CPPED1: variants seen among roughly 807,000 people sequenced by gnomAD.
The protein encoded by CPPED1 is calcineurin like phosphoesterase domain containing 1.
CPPED1 carries 28 observed loss-of-function variants against 28.0 expected under a neutral mutation model. The ratio of observed to expected loss-of-function variants is 1.00; its 90% CI spans 0.74 to 1.37. The LOEUF (loss-of-function observed/expected upper bound fraction) is 1.37, where lower values mean the gene tolerates loss of function less well. Ranked by LOEUF, CPPED1 falls within the 40% of genes most tolerant of loss-of-function variation. The pLI is 0.00. For synonymous variants in CPPED1, 198 were observed against 180.2 expected, an observed-to-expected ratio of 1.10 and a Z score of -0.79; for missense variants, 504 against 416.5, an observed-to-expected ratio of 1.21 and a Z score of -1.83.
chr16:12,710,473 G>C (rs2080074455), intron 2 of CPPED1, among the ~76,000 whole-genome samples: 1 of 151,596 alleles, frequency 6.6e-6, no homozygotes, highest in South Asian at 2.1e-4. Context: ...AAAAAGGAGG[G>C]GGGGAACAGA....
chr16:12,693,501 A>G (rs1555484525), intron 3 of CPPED1, among the ~76,000 whole-genome samples: 1 of 149,288 alleles, frequency 6.7e-6, no homozygotes, highest in Non-Finnish European at 1.5e-5. Context: ...TGGCCATGCT[A>G]TTTTTTTTTT....
chr16:12,776,897 C>T (rs1371082841), intron 2 of CPPED1, among the ~76,000 whole-genome samples: 2 of 152,066 alleles, frequency 1.3e-5, no homozygotes, highest in Non-Finnish European at 2.9e-5. Flanking sequence ...CCAGCCTGGG[C>T]AACAGAGTGA....
chr16:12,703,498 A>T (rs904930326), intron 3 of CPPED1, among the ~76,000 whole-genome samples: 1 of 152,196 alleles, frequency 6.6e-6, no homozygotes, highest in Non-Finnish European at 1.5e-5. Context: ...CCTGGACAAC[A>T]TGGTGAAACC....
chr16:12,803,145 T>C (rs991711782), intron 1 of CPPED1, among the ~76,000 whole-genome samples: 2 of 152,192 alleles, frequency 1.3e-5, no homozygotes, highest in African/African-American at 4.8e-5. Context: ...ATAATCTAAA[T>C]CCAAAATCCA....
At chr16:12,754,221 G>T (rs2080350150) in intron 2 of CPPED1, among the ~76,000 whole-genome samples, 1 of 152,162 alleles carries the variant, frequency 6.6e-6, no homozygotes, top group African/African-American at 2.4e-5. Context: ...GATGACAGAT[G>T]AAATAATATT....
intron 3 of CPPED1, among the ~76,000 whole-genome samples, chr16:12,680,791 G>C (rs1053904785): frequency 2.0e-5 from 3 of 152,164 alleles, no homozygotes; most frequent in African/African-American, 7.2e-5. Flanking sequence ...GCCTCTCAAA[G>C]GTTTCACTGT....
At chr16:12,790,918 C>CAAA (rs538022826) in intron 1 of CPPED1, among the ~76,000 whole-genome samples, 24 of 63,214 alleles carry the variant, frequency 3.8e-4, no homozygotes, top group East Asian at 9.6e-4. Flanking sequence ...GACTCTATCT[C>CAAA]AAAAAAAAAA....
In CPPED1 at chr16:12,704,824, G is replaced by A; in HGVS notation, c.515C>T (p.Ser172Phe). ...VLNSQFYENPSKCPSLKQAQD... is the reference protein window; with the variant it reads ...VLNSQFYENPFKCPSLKQAQD... ...AGCCTGCTTCAGGCTGGGGCATTTGGAGGGGTTCTCGTAGAACTGGGAGTT... is the reference window on the plus strand; with the variant it reads ...AGCCTGCTTCAGGCTGGGGCATTTGAAGGGGTTCTCGTAGAACTGGGAGTT... The change falls in exon 3 of 4, where the codon TCC (serine) becomes TTC (phenylalanine). Residue 172 changes from serine to phenylalanine, a missense_variant. Ser to Phe is a radical substitution (Grantham distance 155). Coordinates refer to ENST00000381774, the MANE Select transcript of CPPED1 (RefSeq NM_018340.3). The A allele has an allele frequency of 1.2e-6, 2 of 1,614,218 alleles. No homozygotes were observed. The highest frequency in any genetic ancestry group is 1.1e-5 in the South Asian group (1 of 91,088).
intron 2 of CPPED1, 105 bp from the exon 3 acceptor site, chr16:12,705,154 A>G: frequency 8.1e-7 from 1 of 1,229,364 alleles, no homozygotes; most frequent in Non-Finnish European, 1.1e-6. Context: ...AGTAATCTGG[A>G]AATCCACTCC....
intron 3 of CPPED1, among the ~76,000 whole-genome samples, chr16:12,675,996 T>C (rs1435158605): frequency 6.6e-6 from 1 of 152,112 alleles, no homozygotes; most frequent in African/African-American, 2.4e-5. Flanking sequence ...CTTAAGTGGG[T>C]TTGGGAGGTG....
intron 3 of CPPED1, among the ~76,000 whole-genome samples, chr16:12,673,779 G>T (rs574157485): frequency 2.6e-5 from 4 of 152,330 alleles, no homozygotes; most frequent in African/African-American, 9.6e-5. Context: ...GGGTGCGGTG[G>T]CTCCCACTTG....
At position 12,664,811 on chromosome 16, in the gene CPPED1, G is replaced by A; in HGVS notation, c.*75C>T. 1 of 1,592,530 alleles carries A rather than the reference G, an allele frequency of 6.3e-7. No homozygotes were observed. The highest frequency in any genetic ancestry group is 8.5e-7 in the Non-Finnish European group (1 of 1,173,322). Reference sequence around the variant, plus strand: ...GGCTATTTTTATATTTCAGCAAGAGGTTGTGTGCAGCTGCTGTTTCTGGCA... The same window carrying A: ...GGCTATTTTTATATTTCAGCAAGAGATTGTGTGCAGCTGCTGTTTCTGGCA... On this transcript the variant is annotated 3_prime_UTR_variant, in exon 4 of 4. Coordinates refer to ENST00000381774, the MANE Select transcript of CPPED1 (RefSeq NM_018340.3). This position sits in a 1 kb window ranked among gnomAD's most constrained non-coding sequence, Gnocchi z 4.2.
At chr16:12,785,552 C>T (rs924211466) in intron 1 of CPPED1, among the ~76,000 whole-genome samples, 3 of 151,950 alleles carry the variant, frequency 2.0e-5, no homozygotes, top group Non-Finnish European at 2.9e-5. Flanking sequence ...CTCAGCCTCC[C>T]GAGTAGCTGC....
intron 1 of CPPED1, among the ~76,000 whole-genome samples, chr16:12,787,188 T>A (rs572071241): frequency 6.6e-6 from 1 of 152,178 alleles, no homozygotes; most frequent in East Asian, 1.9e-4. Context: ...GAGACAAATA[T>A]GTGTGGAAGG....
At chr16:12,706,975 T>C (rs2080054884) in intron 2 of CPPED1, among the ~76,000 whole-genome samples, 1 of 152,172 alleles carries the variant, frequency 6.6e-6, no homozygotes, top group African/African-American at 2.4e-5. Context: ...TCAGGGGTGC[T>C]GGGGGTTCAT....
chr16:12,740,865 C>T (rs1297702095), intron 2 of CPPED1, among the ~76,000 whole-genome samples: 1 of 152,204 alleles, frequency 6.6e-6, no homozygotes, highest in Non-Finnish European at 1.5e-5. Flanking sequence ...TGGGCTGCTG[C>T]ACCATGTCCC....
At chr16:12,765,553 T>C (rs543028380) in intron 2 of CPPED1, among the ~76,000 whole-genome samples, 52 of 152,380 alleles carry the variant, frequency 3.4e-4, no homozygotes, top group Non-Finnish European at 5.9e-4. Flanking sequence ...GTGAAATTTG[T>C]TACATTGCTA....
At chr16:12,695,311 A>T (rs2079984156) in intron 3 of CPPED1, among the ~76,000 whole-genome samples, 1 of 152,014 alleles carries the variant, frequency 6.6e-6, no homozygotes, top group African/African-American at 2.4e-5. Flanking sequence ...GTTGCCCAGG[A>T]TAGAGTACAG....
intron 1 of CPPED1, among the ~76,000 whole-genome samples, chr16:12,787,552 A>G (rs748763492): frequency 1.3e-5 from 2 of 151,858 alleles, no homozygotes; most frequent in East Asian, 1.9e-4. Flanking sequence ...TTATACAGGC[A>G]TGTGCCACCA....
Sources: allele counts gnomAD v4.1 joint callset (sites outside exome capture counted in the v4.1 genomes callset), GRCh38; gene constraint gnomAD v4.1.1; non-coding constraint Gnocchi (gnomAD v3.1); transcripts MANE v1.5; gene names NCBI Gene and HGNC (gene_info 2026-07-23, HGNC 2026-07-21).